The following RFTN1 variants were observed in gnomAD, a reference collection of about 807,000 sequenced individuals.
RFTN1 encodes the protein raftlin.
Under a neutral mutation model 46.5 loss-of-function variants are expected in RFTN1, and 26 were observed. The ratio of observed to expected loss-of-function variants is 0.56; its 90% CI spans 0.41 to 0.78. RFTN1 has a LOEUF of 0.78. RFTN1 is among the 30% of genes least tolerant of loss of function. RFTN1 has a pLI of 0.00. For missense variants in RFTN1, 693 were observed against 718.7 expected, an observed-to-expected ratio of 0.96 and a Z score of 0.41; for synonymous variants, 261 against 284.2, an observed-to-expected ratio of 0.92 and a Z score of 0.82.
intron 3 of RFTN1, among the ~76,000 whole-genome samples, chr3:16,431,828 C>G (rs1308135237): frequency 6.6e-6 from 1 of 152,166 alleles, no homozygotes; most frequent in African/African-American, 2.4e-5. Flanking sequence ...AAGATATCCT[C>G]CCCCACTTTC....
rs2075930767 is a variant in RFTN1, at chr3:16,457,505, T to C, written c.146-23468A>G. Reference sequence around the variant, plus strand: ...ACCTTCTTTTACGATATACAAGGCATCCCAAAAGTCTCAATACAGTTTTAT... The same window carrying C: ...ACCTTCTTTTACGATATACAAGGCACCCCAAAAGTCTCAATACAGTTTTAT... On this transcript the variant is annotated intron_variant, in intron 2 of 9. Coordinates refer to ENST00000334133, the MANE Select transcript of RFTN1 (RefSeq NM_015150.2). This position sits in a 1 kb window ranked among gnomAD's most constrained non-coding sequence, Gnocchi z 4.2. Among the ~76,000 whole-genome samples the C allele has an allele frequency of 6.6e-6, 1 of 152,242 alleles. No individual in the cohort carries two copies. Among genetic ancestry groups the C allele is most frequent in the Admixed American group, 6.5e-5 (1 of 15,284 alleles).
chr3:16,344,484 C>T lies in RFTN1; in HGVS notation c.1146+13448G>A, dbSNP rs1320356267. 6.6e-6 allele frequency among the ~76,000 whole-genome samples: 1 copy of T among 152,120 alleles called. No individual in the cohort carries two copies. Among genetic ancestry groups the T allele is most frequent in the Non-Finnish European group, 1.5e-5 (1 of 68,022 alleles). On this transcript the variant is annotated intron_variant, in intron 7 of 9. Transcript: ENST00000334133. This position sits in a 1 kb window ranked among gnomAD's most constrained non-coding sequence, Gnocchi z 4.4. ...AGAGTCTTCCCCACTCTCAGACCTG[C>T]CCTGGCCTTCTTCCCCCTCGCCCAA...
chr3:16,316,959 C>T lies in RFTN1; in HGVS notation c.1606G>A (p.Val536Met), dbSNP rs777894782. 6.2e-7 allele frequency: 1 copy of T among 1,614,030 alleles called. No individual in the cohort carries two copies. Among genetic ancestry groups the T allele is most frequent in the South Asian group, 1.1e-5 (1 of 91,070 alleles). The change falls in exon 10 of 10, where the codon GTG (valine) becomes ATG (methionine). Residue 536 changes from valine to methionine, a missense_variant. Coordinates refer to ENST00000334133, the MANE Select transcript of RFTN1 (RefSeq NM_015150.2). This position sits in a 1 kb window ranked among gnomAD's most constrained non-coding sequence, Gnocchi z 4.5. Reference protein sequence around the residue: ...LCGVGVEGEAVQNGPASHSRA... With the variant: ...LCGVGVEGEAMQNGPASHSRA... ...CTGTGGCTGGCAGGACCATTCTGCA[C>T]AGCCTCACCCTCCACACCCACCCCA...
chr3:16,327,762 A>G lies in RFTN1; in HGVS notation c.1147-886T>C, dbSNP rs1435426074. ...GGTGACAGAGCGGGATTCCCATCTC[A>G]AAAAAAAAAACAAAACGAAAAAAAC... is the stretch of plus-strand genomic sequence containing the variant. On this transcript the variant is annotated intron_variant, in intron 7 of 9. Coordinates refer to ENST00000334133, the MANE Select transcript of RFTN1 (RefSeq NM_015150.2). The surrounding 1 kb of genome is among the most constrained non-coding windows in gnomAD (Gnocchi z 4.2). Among the ~76,000 whole-genome samples the G allele has an allele frequency of 3.2e-5, 1 of 30,886 alleles. No homozygotes were observed. Among genetic ancestry groups the G allele is most frequent in the Non-Finnish European group, 8.2e-5 (1 of 12,176 alleles). The allele number at this position is 30,886 out of a possible 152,430, so 20.3% of individuals were successfully genotyped here. A position where few individuals can be genotyped will look rare whatever the true frequency, so the allele number is the denominator to read the frequency against.
chr3:16,368,193 C>G (rs1455144715), intron 6 of RFTN1, among the ~76,000 whole-genome samples: 1 of 152,168 alleles, frequency 6.6e-6, no homozygotes, highest in Non-Finnish European at 1.5e-5. Context: ...CTGTAAACAT[C>G]TGTCCCAAGT....
chr3:16,419,512 A>T (rs907056563), intron 3 of RFTN1, among the ~76,000 whole-genome samples: 5 of 152,086 alleles, frequency 3.3e-5, no homozygotes, highest in Non-Finnish European at 7.4e-5. Flanking sequence ...TTGTCCCTGC[A>T]ATTGGTGGTG....
intron 4 of RFTN1, among the ~76,000 whole-genome samples, chr3:16,406,122 T>C (rs1258628335): frequency 6.6e-6 from 1 of 152,186 alleles, no homozygotes; most frequent in Non-Finnish European, 1.5e-5. Flanking sequence ...TTTACACATG[T>C]AAAATTCAGC....
intron 2 of RFTN1, among the ~76,000 whole-genome samples, chr3:16,482,249 A>G (rs1324081715): frequency 1.3e-5 from 2 of 152,222 alleles, no homozygotes; most frequent in African/African-American, 4.8e-5. Context: ...CAGGCTCCCT[A>G]TTTGTCAAGC....
At position 16,384,481 on chromosome 3, in the gene RFTN1, T is replaced by C. The variant is rs2074099212; in HGVS notation, c.442-6379A>G. On this transcript the variant is annotated intron_variant, in intron 4 of 9. Coordinates refer to ENST00000334133, the MANE Select transcript of RFTN1 (RefSeq NM_015150.2). The surrounding 1 kb of genome is among the most constrained non-coding windows in gnomAD (Gnocchi z 4.7). ...CGATTCCAGGTCCTACGTGAGAGGCTGAAGTGTGGCAGGGAGGCTTTCAGC... is the reference window on the plus strand; with the variant it reads ...CGATTCCAGGTCCTACGTGAGAGGCCGAAGTGTGGCAGGGAGGCTTTCAGC... Among the ~76,000 whole-genome samples the C allele has an allele frequency of 6.6e-6, 1 of 152,190 alleles. No individual in the cohort carries two copies. Among genetic ancestry groups the C allele is most frequent in the South Asian group, 2.1e-4 (1 of 4,828 alleles).
In RFTN1 at chr3:16,323,380, G is replaced by T. The variant is rs947354084; in HGVS notation, c.1328C>A (p.Ser443Ter). The change falls in exon 9 of 10, where the codon TCG (serine) becomes TAG (stop). Residue 443 changes from serine (S) to a stop codon, truncating the protein, a stop_gained. Coordinates refer to ENST00000334133, the MANE Select transcript of RFTN1 (RefSeq NM_015150.2). LOFTEE classifies it low-confidence loss of function (END_TRUNC). ...CLPQKIKKKESKFQWRFSREE... is the reference protein window; with the variant it reads ...CLPQKIKKKE The stretch of plus-strand genomic sequence containing the variant: ...AAGGCCATCAAAGTCTCTTACCTTC[G>T]ATTCCTTCTTCTTGATTTTCTGAGG... 90 of 1,605,670 alleles carry T rather than the reference G, an allele frequency of 5.6e-5. No homozygotes were observed. The highest frequency in any genetic ancestry group is 5.8e-5 in the Non-Finnish European group (68 of 1,172,738).
chr3:16,497,163 G>A (rs17042351), intron 1 of RFTN1, among the ~76,000 whole-genome samples: 4 of 152,098 alleles, frequency 2.6e-5, no homozygotes, highest in African/African-American at 9.7e-5. Flanking sequence ...GATTCACTGG[G>A]CCACTGAGCA....
In RFTN1 at chr3:16,344,737, G is replaced by T. The variant is rs1208047115; in HGVS notation, c.1146+13195C>A. Among the ~76,000 whole-genome samples, 1 of 152,218 alleles carries T rather than the reference G, an allele frequency of 6.6e-6. No homozygotes were observed. The highest frequency in any genetic ancestry group is 1.5e-5 in the Non-Finnish European group (1 of 68,044). ...CCCAATGAAAGCACATCGTTGCCAA[G>T]TGCGGCCTCTCAATCAGTTATACAC... On this transcript the variant is annotated intron_variant, in intron 7 of 9. Transcript: ENST00000334133. This position sits in a 1 kb window ranked among gnomAD's most constrained non-coding sequence, Gnocchi z 4.4.
intron 2 of RFTN1, among the ~76,000 whole-genome samples, chr3:16,436,411 C>T (rs890730024): frequency 8.7e-5 from 13 of 150,202 alleles, no homozygotes; most frequent in Admixed American, 2.0e-4. Context: ...GGCTGGAGTG[C>T]GGTGGTGCTA....
At chr3:16,364,378 G>C (rs1438954530) in intron 6 of RFTN1, among the ~76,000 whole-genome samples, 1 of 152,232 alleles carries the variant, frequency 6.6e-6, no homozygotes, top group Non-Finnish European at 1.5e-5. Context: ...GGCCAAGCCA[G>C]ATCTGAAATG....
At position 16,459,122 on chromosome 3, in the gene RFTN1, G is replaced by A. The variant is rs1256998347; in HGVS notation, c.146-25085C>T. Among the ~76,000 whole-genome samples the A allele has an allele frequency of 6.6e-6, 1 of 152,066 alleles. No homozygotes were observed. Among genetic ancestry groups the A allele is most frequent in the East Asian group, 1.9e-4 (1 of 5,196 alleles). On this transcript the variant is annotated intron_variant, in intron 2 of 9. Transcript: ENST00000334133. This position sits in a 1 kb window ranked among gnomAD's most constrained non-coding sequence, Gnocchi z 4.2. ...AATTTTTTGTATTTTTTGTAGAGATGAGGTTTCGCTGTTGCTCAGGCTAGT... is the reference window on the plus strand; with the variant it reads ...AATTTTTTGTATTTTTTGTAGAGATAAGGTTTCGCTGTTGCTCAGGCTAGT...
rs985526417 is a variant in RFTN1, at chr3:16,465,226, A to G, written c.145+28499T>C. On this transcript the variant is annotated intron_variant, in intron 2 of 9. Coordinates refer to ENST00000334133, the MANE Select transcript of RFTN1 (RefSeq NM_015150.2). The surrounding 1 kb of genome is among the most constrained non-coding windows in gnomAD (Gnocchi z 5.1). ...CAAGGATGCCACTTCAAGGTAAAAA[A>G]AAAAAAAGCCTTAGTATTTCATAGA... Among the ~76,000 whole-genome samples, 60 of 152,126 alleles carry G rather than the reference A, an allele frequency of 3.9e-4. No individual in the cohort carries two copies. Among genetic ancestry groups the G allele is most frequent in the African/African-American group, 1.4e-3 (58 of 41,430 alleles).
chr3:16,486,827 C>T (rs954080545), intron 2 of RFTN1, among the ~76,000 whole-genome samples: 3 of 152,216 alleles, frequency 2.0e-5, no homozygotes, highest in African/African-American at 7.2e-5. Context: ...CCTAAAGTGA[C>T]TACATTTGGA....
At chr3:16,493,660 C>T (rs2076578247) in intron 2 of RFTN1, 65 bp downstream of exon 2, 2 of 1,358,864 alleles carry the variant, frequency 1.5e-6, no homozygotes, top group African/African-American at 1.5e-5. Context: ...ACTGCACCCC[C>T]ATCCCCTGCA....
intron 4 of RFTN1, among the ~76,000 whole-genome samples, chr3:16,386,560 CT>C (rs1490857615): frequency 6.6e-6 from 1 of 152,234 alleles, no homozygotes; most frequent in Non-Finnish European, 1.5e-5. Flanking sequence ...CTGCTCAGCG[CT>C]GTATTTGCAA....
Sources: gnomAD v4.1 joint callset for allele counts (sites outside exome capture counted in the v4.1 genomes callset) on GRCh38, gnomAD v4.1.1 for gene constraint, Gnocchi (gnomAD v3.1) non-coding constraint, MANE v1.5 for transcripts, NCBI Gene and HGNC (gene_info 2026-07-23, HGNC 2026-07-21) for gene names.